Variants in PARVA observed in about 807,000 individuals in gnomAD.
PARVA encodes alpha-parvin.
In PARVA, 25 loss-of-function variants were observed where a neutral mutation model predicts 52.6. The ratio of observed to expected loss-of-function variants is 0.48; its 90% CI spans 0.35 to 0.66. The LOEUF (loss-of-function observed/expected upper bound fraction) is 0.66. Ranked by LOEUF, PARVA falls within the 30% of genes least tolerant of loss-of-function variation. PARVA has a pLI of 0.01. For synonymous variants in PARVA, 185 were observed against 179.1 expected (o/e 1.03, Z -0.26); for missense variants, 373 against 450.9 (o/e 0.83, Z 1.56).
intron 1 of PARVA, among the ~76,000 whole-genome samples, chr11:12,404,366 G>GGGAT (rs1387938159): frequency 1.3e-5 from 2 of 152,104 alleles, no homozygotes; most frequent in African/African-American, 4.8e-5. Context: ...CAGTTCCTTG[G>GGGAT]GGATGCAAAG....
chr11:12,384,422 C>G lies in PARVA; in HGVS notation c.136+6639C>G, dbSNP rs1244600133. Among the ~76,000 whole-genome samples the G allele has an allele frequency of 2.0e-5, 3 of 152,208 alleles. No individual in the cohort carries two copies. The South Asian group carries it at 6.2e-4, about 32-fold the overall frequency. On this transcript the variant is annotated intron_variant, in intron 1 of 12. Coordinates refer to ENST00000334956, the MANE Select transcript of PARVA (RefSeq NM_018222.5). ...TAGAAAGGAAAACAAAACAAAAACT[C>G]TTGCCTTCCTGGAGCTTACATTCTA...
At chr11:12,441,609 G>A (rs1940467505) in intron 1 of PARVA, among the ~76,000 whole-genome samples, 2 of 151,960 alleles carry the variant, frequency 1.3e-5, no homozygotes, top group African/African-American at 4.8e-5. Context: ...ACATAGACGG[G>A]AATAAAGTAT....
At chr11:12,511,610 A>G in intron 8 of PARVA, 77 bp downstream of exon 8, 2 of 1,464,706 alleles carry the variant, frequency 1.4e-6, no homozygotes, top group Non-Finnish European at 1.9e-6. Context: ...GCTGGGAGGA[A>G]CAGGCTCTCA....
chr11:12,461,544 T>C (rs1261475900), intron 1 of PARVA, among the ~76,000 whole-genome samples: 2 of 152,210 alleles, frequency 1.3e-5, no homozygotes, highest in African/African-American at 4.8e-5. Flanking sequence ...ATGCCTGTTT[T>C]GTGTTTAAAT....
At chr11:12,378,574 CTTTT>C (rs373881363) in intron 1 of PARVA, among the ~76,000 whole-genome samples, 11 of 114,876 alleles carry the variant, frequency 9.6e-5, no homozygotes, top group South Asian at 2.9e-4. Context: ...CGACCTTATT[CTTTT>C]TTTTTTTTTT....
In PARVA at chr11:12,517,541, A is replaced by T. The variant is rs866041988; in HGVS notation, c.868-69A>T. 19 of 1,175,626 alleles carry T rather than the reference A, an allele frequency of 1.6e-5. No homozygotes were observed. In the Middle Eastern group the frequency reaches 1.4e-3, roughly 89 times the overall value. 72.8% of individuals were successfully genotyped at this position (1,175,626 alleles called of 1,614,324 possible). On this transcript the variant is annotated intron_variant, in intron 10 of 12. Transcript: ENST00000334956. ...TTCAGGTGGCATAGCACAGAAGTTG[A>T]TGGGCCCCCTGGATGGGGATTGGCT...
chr11:12,496,348 G>GTGCATGCATGCATGAGTGCA, intron 4 of PARVA, 110 bp from the exon 5 acceptor site: 3 of 1,112,882 alleles, frequency 2.7e-6, no homozygotes, highest in Non-Finnish European at 3.8e-6. Flanking sequence ...TGTTGCAAGA[G>GTGCATGCATGCATGAGTGCA]TGCATGCATG....
At chr11:12,384,314 A>G (rs1400872387) in intron 1 of PARVA, among the ~76,000 whole-genome samples, 1 of 152,164 alleles carries the variant, frequency 6.6e-6, no homozygotes. Flanking sequence ...CTTATCTCCC[A>G]GTCACTTTCT....
At chr11:12,489,170 AAAAAAG>A (rs1291576532) in intron 4 of PARVA, among the ~76,000 whole-genome samples, 2 of 151,636 alleles carry the variant, frequency 1.3e-5, no homozygotes, top group African/African-American at 4.9e-5. Context: ...ATTTAAAAAA[AAAAAAG>A]AAAAAGAAAA....
intron 4 of PARVA, among the ~76,000 whole-genome samples, chr11:12,481,791 A>G (rs1941090028): frequency 6.6e-6 from 1 of 152,132 alleles, no homozygotes; most frequent in East Asian, 1.9e-4. Flanking sequence ...TTAGTAAAGT[A>G]ACTATGAAAC....
chr11:12,513,098 C>T (rs1589987288), intron 8 of PARVA: 1 of 692,966 alleles, frequency 1.4e-6, no homozygotes, highest in East Asian at 2.7e-5. Flanking sequence ...CGGACACAGA[C>T]ACAGGCTCCC....
At chr11:12,408,263 C>A (rs1363745200) in intron 1 of PARVA, among the ~76,000 whole-genome samples, 1 of 152,172 alleles carries the variant, frequency 6.6e-6, no homozygotes, top group Non-Finnish European at 1.5e-5. Context: ...CCTCCTGTGC[C>A]ACTGACCGTT....
At chr11:12,406,665 T>G (rs965197021) in intron 1 of PARVA, among the ~76,000 whole-genome samples, 1 of 92,758 alleles carries the variant, frequency 1.1e-5, no homozygotes, top group Non-Finnish European at 2.2e-5. Flanking sequence ...GTATCTGTTT[T>G]TTTTTTTTTT....
At chr11:12,477,806 C>G (rs1475718997) in intron 3 of PARVA, 41 bp from the exon 4 acceptor site, 58 of 1,047,738 alleles carry the variant, frequency 5.5e-5, no homozygotes, top group Admixed American at 8.5e-5. Context: ...CCCCATAACT[C>G]TTTTCTTACT....
chr11:12,457,850 C>G (rs1470454576), intron 1 of PARVA, among the ~76,000 whole-genome samples: 1 of 152,096 alleles, frequency 6.6e-6, no homozygotes, highest in African/African-American at 2.4e-5. Flanking sequence ...GAGATCTGTC[C>G]ACAAAAGGGT....
At chr11:12,492,166 T>A (rs1377655914) in intron 4 of PARVA, among the ~76,000 whole-genome samples, 1 of 152,188 alleles carries the variant, frequency 6.6e-6, no homozygotes, top group East Asian at 1.9e-4. Flanking sequence ...GGTAATTGAG[T>A]TTATTCTGCC....
chr11:12,488,423 G>A (rs1337627852), intron 4 of PARVA, among the ~76,000 whole-genome samples: 2 of 152,194 alleles, frequency 1.3e-5, no homozygotes, highest in Non-Finnish European at 2.9e-5. Flanking sequence ...CAAGAAGGAA[G>A]TATAAATCTA....
chr11:12,469,454 A>T (rs1484573608), intron 1 of PARVA, among the ~76,000 whole-genome samples: 1 of 152,198 alleles, frequency 6.6e-6, no homozygotes, highest in Non-Finnish European at 1.5e-5. Flanking sequence ...GTGGATAAAC[A>T]TCAGATTCCC....
chr11:12,434,495 C>T (rs558176545), intron 1 of PARVA, among the ~76,000 whole-genome samples: 1 of 152,316 alleles, frequency 6.6e-6, no homozygotes, highest in Non-Finnish European at 1.5e-5. Flanking sequence ...TGGAGTTCCT[C>T]CTCAGCTTTT....
Sources: allele counts gnomAD v4.1 joint callset (sites outside exome capture counted in the v4.1 genomes callset), GRCh38; gene constraint gnomAD v4.1.1; transcripts MANE v1.5; gene names NCBI Gene and HGNC (gene_info 2026-07-23, HGNC 2026-07-21).